The following CCBE1 variants were observed in gnomAD, a reference collection of about 807,000 sequenced individuals.
CCBE1 encodes collagen and calcium-binding EGF domain-containing protein 1.
A neutral mutation model predicts 50.0 loss-of-function variants in CCBE1; 37 were observed. That is an observed-to-expected ratio of 0.74 (90% CI 0.57 to 0.97). The LOEUF (loss-of-function observed/expected upper bound fraction) is 0.97. CCBE1 is among the 50% of genes least tolerant of loss of function. The pLI is 0.00. For missense variants in CCBE1, 538 were observed against 523.8 expected (o/e 1.03, Z -0.26); for synonymous variants, 234 against 203.7 (o/e 1.15, Z -1.27).
chr18:59,580,152 C>G (rs1032936900), intron 2 of CCBE1, among the ~76,000 whole-genome samples: 20 of 152,182 alleles, frequency 1.3e-4, no homozygotes, highest in African/African-American at 4.6e-4. Flanking sequence ...AAGCTGGGAA[C>G]TGCTTAGGGC....
chr18:59,573,517 T>C (rs891312), intron 2 of CCBE1, among the ~76,000 whole-genome samples: 72,965 of 151,134 alleles, frequency 0.48, 17,996 homozygotes, highest in East Asian at 0.73. Flanking sequence ...GCCAATTTCT[T>C]AAAATAAACT....
Position 59,562,508 on chromosome 18 carries a change from T to G in CCBE1, c.213-82270A>C, listed in dbSNP as rs2052755053. On this transcript the variant is annotated intron_variant, in intron 2 of 10. Coordinates refer to ENST00000439986, the MANE Select transcript of CCBE1 (RefSeq NM_133459.4). ...ACATAATGTGGGCCCACATGGGAAC[T>G]GATTTCCTACACTCCATCTCCATGT... is the stretch of plus-strand genomic sequence containing the variant. Among the ~76,000 whole-genome samples, 2 of 152,178 alleles carry G rather than the reference T, an allele frequency of 1.3e-5. 1 individual carries two copies. The highest frequency in any genetic ancestry group is 4.1e-4 in the South Asian group (2 of 4,830).
chr18:59,685,729 C>A (rs1212483552), intron 2 of CCBE1: 1 of 152,174 alleles, frequency 6.6e-6, no homozygotes, highest in East Asian at 1.9e-4. Flanking sequence ...GATTTCTATG[C>A]GCAGTCAAGG....
At chr18:59,517,007 T>C (rs1914402953) in intron 2 of CCBE1, among the ~76,000 whole-genome samples, 1 of 152,214 alleles carries the variant, frequency 6.6e-6, no homozygotes, top group African/African-American at 2.4e-5. Context: ...AGATCACTTG[T>C]ATATCACTTC....
chr18:59,693,003 C>CACAAAA (rs1278264661), intron 2 of CCBE1, among the ~76,000 whole-genome samples: 26 of 145,970 alleles, frequency 1.8e-4, no homozygotes, highest in African/African-American at 6.7e-4. Flanking sequence ...CACACACACA[C>CACAAAA]AAACAAAAAA....
chr18:59,510,268 G>C (rs538483149), intron 2 of CCBE1, among the ~76,000 whole-genome samples: 32 of 152,332 alleles, frequency 2.1e-4, no homozygotes, highest in African/African-American at 7.7e-4. Flanking sequence ...CTGACAGAGG[G>C]AGCAGGGTGC....
chr18:59,665,093 C>G (rs1314355583), intron 2 of CCBE1, among the ~76,000 whole-genome samples: 1 of 151,980 alleles, frequency 6.6e-6, no homozygotes, highest in Non-Finnish European at 1.5e-5. Flanking sequence ...GATACAAGGC[C>G]AAGGCAGCTC....
chr18:59,637,686 A>G (rs747448742), intron 2 of CCBE1, among the ~76,000 whole-genome samples: 5 of 152,238 alleles, frequency 3.3e-5, no homozygotes, highest in Admixed American at 6.5e-5. Flanking sequence ...CTGATTTAAA[A>G]TATAATGAAT....
intron 2 of CCBE1, chr18:59,568,748 T>C (rs905024178): frequency 2.0e-5 from 3 of 152,178 alleles, no homozygotes; most frequent in South Asian, 2.1e-4. Context: ...CAGAAGGTAA[T>C]GTATTGAGCC....
intron 2 of CCBE1, among the ~76,000 whole-genome samples, chr18:59,495,127 G>GT (rs1307539982): frequency 3.3e-5 from 5 of 152,186 alleles, no homozygotes; most frequent in Admixed American, 2.0e-4. Context: ...GGGGCAACAG[G>GT]TAAGATCTGT....
At chr18:59,522,440 A>G (rs902225415) in intron 2 of CCBE1, among the ~76,000 whole-genome samples, 7 of 152,350 alleles carry the variant, frequency 4.6e-5, no homozygotes, top group Middle Eastern at 3.4e-3. Context: ...AATGTCAGCT[A>G]TAGACACATT....
At chr18:59,472,543 G>T (rs1347432435) in intron 3 of CCBE1, among the ~76,000 whole-genome samples, 1 of 152,136 alleles carries the variant, frequency 6.6e-6, no homozygotes, top group Non-Finnish European at 1.5e-5. Context: ...GACTCTGTAG[G>T]TCTGCTGCAC....
intron 2 of CCBE1, among the ~76,000 whole-genome samples, chr18:59,650,705 G>A (rs1427611382): frequency 6.6e-6 from 1 of 151,118 alleles, no homozygotes; most frequent in Non-Finnish European, 1.5e-5. Context: ...GCCTCTTCTG[G>A]TTACCAAACA....
intron 2 of CCBE1, among the ~76,000 whole-genome samples, chr18:59,592,220 G>C (rs749385114): frequency 6.6e-6 from 1 of 152,134 alleles, no homozygotes; most frequent in Non-Finnish European, 1.5e-5. Context: ...GGGCAACACA[G>C]CAAGTCTGCG....
chr18:59,456,942 C>G (rs138094409), intron 5 of CCBE1, among the ~76,000 whole-genome samples: 2 of 152,266 alleles, frequency 1.3e-5, no homozygotes, highest in Admixed American at 1.3e-4. Context: ...CTGGGGTTGG[C>G]AGCACCCGAG....
chr18:59,684,944 C>T (rs774310981), intron 2 of CCBE1, among the ~76,000 whole-genome samples: 4 of 151,912 alleles, frequency 2.6e-5, no homozygotes, highest in Admixed American at 6.6e-5. Context: ...AGAGTAAAGG[C>T]GTACAGATGG....
intron 2 of CCBE1, among the ~76,000 whole-genome samples, chr18:59,612,815 G>GTTTTTTTTT (rs796066639): frequency 8.7e-6 from 1 of 114,938 alleles, no homozygotes; most frequent in African/African-American, 3.1e-5. Context: ...AATCTCAAGG[G>GTTTTTTTTT]TTTTTTTTTT....
At chr18:59,577,228 G>A (rs926713083) in intron 2 of CCBE1, among the ~76,000 whole-genome samples, 52 of 152,184 alleles carry the variant, frequency 3.4e-4, no homozygotes, top group African/African-American at 8.4e-4. Context: ...GGGGCCATGC[G>A]AACTTAGGCA....
intron 2 of CCBE1, among the ~76,000 whole-genome samples, chr18:59,563,467 A>T (rs1181620973): frequency 2.0e-5 from 3 of 152,194 alleles, no homozygotes; most frequent in African/African-American, 7.2e-5. Flanking sequence ...TTTTTCTGTG[A>T]ATCAGGAAGA....
Sources: gnomAD v4.1 joint callset for allele counts (sites outside exome capture counted in the v4.1 genomes callset) on GRCh38, gnomAD v4.1.1 for gene constraint, MANE v1.5 for transcripts, NCBI Gene and HGNC (gene_info 2026-07-23, HGNC 2026-07-21) for gene names.